Variants in HOMER1 observed in about 807,000 individuals in gnomAD.
The protein encoded by HOMER1 is homer scaffold protein 1.
Under a neutral mutation model 48.9 loss-of-function variants are expected in HOMER1, and 3 were observed. That is an observed-to-expected ratio of 0.06 (90% confidence interval 0.03 to 0.16). The LOEUF (loss-of-function observed/expected upper bound fraction) is 0.16, where lower values mean the gene tolerates loss of function less well. HOMER1 is among the 10% of genes least tolerant of loss of function. The pLI is 1.00. For synonymous variants in HOMER1, 134 were observed against 146.4 expected (o/e 0.92, Z 0.61); for missense variants, 247 against 411.4 (o/e 0.60, Z 3.46).
At chr5:79,483,215 T>C (rs73124167) in intron 1 of HOMER1, among the ~76,000 whole-genome samples, 12,177 of 152,050 alleles carry the variant, frequency 0.08, 1,084 homozygotes, top group East Asian at 0.23. Flanking sequence ...TACATACAAT[T>C]GAAAATAAGA....
chr5:79,380,802 C>G (rs1272977087), intron 8 of HOMER1, among the ~76,000 whole-genome samples: 1 of 152,122 alleles, frequency 6.6e-6, no homozygotes, highest in Non-Finnish European at 1.5e-5. Context: ...TAAGGTTGGG[C>G]TTACCTTCCT....
chr5:79,443,143 ATATAAT>A (rs544137149), intron 4 of HOMER1, among the ~76,000 whole-genome samples: 64 of 152,200 alleles, frequency 4.2e-4, no homozygotes, highest in Non-Finnish European at 7.8e-4. Context: ...AATTCTATTT[ATATAAT>A]TATAAAACTG....
At chr5:79,451,512 C>T (rs1282950252) in intron 2 of HOMER1, among the ~76,000 whole-genome samples, 2 of 145,228 alleles carry the variant, frequency 1.4e-5, no homozygotes, top group African/African-American at 2.5e-5. Flanking sequence ...TACCACCCTC[C>T]AAAGAATCTT....
At chr5:79,497,655 T>C (rs1318530334) in intron 1 of HOMER1, among the ~76,000 whole-genome samples, 35 of 135,026 alleles carry the variant, frequency 2.6e-4, no homozygotes, top group Non-Finnish European at 3.6e-4. Flanking sequence ...TAAGGCTCTG[T>C]CTCAAAGAAA....
chr5:79,502,565 A>G (rs989260342), intron 1 of HOMER1, among the ~76,000 whole-genome samples: 1 of 152,244 alleles, frequency 6.6e-6, no homozygotes, highest in Admixed American at 6.5e-5. Context: ...ATGCATATAC[A>G]GAATTTTATA....
At chr5:79,377,377 A>T (rs1432387373) in intron 8 of HOMER1, among the ~76,000 whole-genome samples, 1 of 152,240 alleles carries the variant, frequency 6.6e-6, no homozygotes, top group Non-Finnish European at 1.5e-5. Context: ...AAAAAATCAG[A>T]TTGAGAAAAA....
At chr5:79,390,130 T>C (rs566337651) in intron 8 of HOMER1, among the ~76,000 whole-genome samples, 28 of 151,590 alleles carry the variant, frequency 1.8e-4, no homozygotes, top group African/African-American at 6.5e-4. Flanking sequence ...TACAAAAAAT[T>C]AAAAAATTAG....
chr5:79,445,300 AGAG>A (rs1364404162), intron 4 of HOMER1, among the ~76,000 whole-genome samples: 8 of 152,234 alleles, frequency 5.3e-5, no homozygotes, highest in Non-Finnish European at 1.2e-4. Flanking sequence ...CAATTACTAC[AGAG>A]GAGAACAGCC....
At chr5:79,474,073 C>G (rs1021747429) in intron 1 of HOMER1, among the ~76,000 whole-genome samples, 1 of 151,930 alleles carries the variant, frequency 6.6e-6, no homozygotes, top group Non-Finnish European at 1.5e-5. Context: ...AGTCTGTCTC[C>G]CAGGCTGGAG....
chr5:79,422,599 T>C (rs1463948789), intron 5 of HOMER1, among the ~76,000 whole-genome samples: 1 of 146,414 alleles, frequency 6.8e-6, no homozygotes, highest in East Asian at 2.0e-4. Flanking sequence ...CTACTTCTCA[T>C]GAGACAATTG....
intron 5 of HOMER1, among the ~76,000 whole-genome samples, chr5:79,435,301 A>T (rs912049015): frequency 1.3e-5 from 2 of 151,794 alleles, no homozygotes; most frequent in Non-Finnish European, 3.0e-5. Flanking sequence ...CAAAAATTTG[A>T]ATTTTAAGAA....
chr5:79,490,467 A>G (rs1752236234), intron 1 of HOMER1, among the ~76,000 whole-genome samples: 1 of 152,214 alleles, frequency 6.6e-6, no homozygotes, highest in African/African-American at 2.4e-5. Flanking sequence ...CATAAAAACA[A>G]TATTACTTAA....
At chr5:79,386,966 T>C (rs1580415847) in intron 8 of HOMER1, among the ~76,000 whole-genome samples, 2 of 128,926 alleles carry the variant, frequency 1.6e-5, no homozygotes, top group African/African-American at 2.9e-5. Context: ...TTCCTTCCCT[T>C]CCCTTCTTCC....
intron 4 of HOMER1, among the ~76,000 whole-genome samples, chr5:79,444,990 G>A (rs890726476): frequency 1.3e-5 from 2 of 151,950 alleles, no homozygotes; most frequent in Admixed American, 6.6e-5. Context: ...TTAGTCTAAG[G>A]GAATATGCAC....
chr5:79,384,503 G>A (rs1749059122), intron 8 of HOMER1, among the ~76,000 whole-genome samples: 1 of 152,144 alleles, frequency 6.6e-6, no homozygotes, highest in South Asian at 2.1e-4. Flanking sequence ...TGAATCAGTA[G>A]TAAGAAGTCT....
chr5:79,420,652 TA>T (rs946154187), intron 5 of HOMER1, among the ~76,000 whole-genome samples: 8 of 152,166 alleles, frequency 5.3e-5, no homozygotes, highest in Non-Finnish European at 1.0e-4. Flanking sequence ...AAATATTTGT[TA>T]AAACTGTAAA....
At position 79,398,126 on chromosome 5, in the gene HOMER1, T is replaced by A. The variant is rs150928108; in HGVS notation, c.685-489A>T. ...CATTAGATACTGGAATGACTTTACA[T>A]CAACAGTGTCTCTTACGGGTAAGAT... On this transcript the variant is annotated intron_variant, in intron 6 of 8. Transcript: ENST00000334082. 6.5e-3 allele frequency among the ~76,000 whole-genome samples: 988 copies of A among 152,264 alleles called. 8 individuals carry two copies. Among genetic ancestry groups the A allele is most frequent in the Non-Finnish European group, 0.01 (712 of 68,014 alleles).
intron 5 of HOMER1, among the ~76,000 whole-genome samples, chr5:79,412,498 C>T (rs1053483946): frequency 6.6e-6 from 1 of 152,258 alleles, no homozygotes; most frequent in Admixed American, 6.5e-5. Context: ...TGGCATATTC[C>T]ATTACCCAAG....
intron 8 of HOMER1, among the ~76,000 whole-genome samples, chr5:79,381,554 C>T (rs1178750222): frequency 2.0e-5 from 3 of 152,138 alleles, no homozygotes; most frequent in Non-Finnish European, 4.4e-5. Flanking sequence ...ATTATTGATT[C>T]TAAAGAAGCT....
Sources: gnomAD v4.1 joint callset for allele counts (sites outside exome capture counted in the v4.1 genomes callset) on GRCh38, gnomAD v4.1.1 for gene constraint, MANE v1.5 for transcripts, NCBI Gene and HGNC (gene_info 2026-07-23, HGNC 2026-07-21) for gene names.